Variants in DQX1 observed in about 807,000 individuals in gnomAD.
DQX1 encodes the protein ATP-dependent RNA helicase homolog DQX1.
In DQX1, 66 loss-of-function variants were observed where a neutral mutation model predicts 81.3. The ratio of observed to expected loss-of-function variants is 0.81; its 90% confidence interval spans 0.67 to 1.00. The LOEUF (loss-of-function observed/expected upper bound fraction) is 1.00. Among genes scored for constraint, DQX1 ranks in the 50% least tolerant of loss-of-function variants. DQX1 has a pLI of 0.00. For synonymous variants in DQX1, 290 were observed against 350.0 expected, an observed-to-expected ratio of 0.83 and a Z score of 1.91; for missense variants, 798 against 867.9, an observed-to-expected ratio of 0.92 and a Z score of 1.01.
chr2:74,524,227 T>G lies in DQX1; in HGVS notation c.512A>C (p.Glu171Ala). The change falls in exon 4 of 12, where the codon GAG (glutamate) becomes GCG (alanine). Residue 171 changes from glutamate (E) to alanine (A), a missense_variant. Physicochemically the swap from Glu to Ala is moderately radical, Grantham distance 107. Coordinates refer to ENST00000404568, the MANE Select transcript of DQX1 (RefSeq NM_133637.3). ...TGAWGVLVLD[E>A]AQERSVASDS... Reference sequence around the variant, plus strand: ...TGATGCCACCGACCGCTCCTGAGCCTCATCTAGTACCAGCACGCCCCAGGC... The same window carrying G: ...TGATGCCACCGACCGCTCCTGAGCCGCATCTAGTACCAGCACGCCCCAGGC... 1 of 1,614,062 alleles carries G rather than the reference T, an allele frequency of 6.2e-7. No individual in the cohort carries two copies. The highest frequency in any genetic ancestry group is 8.5e-7 in the Non-Finnish European group (1 of 1,180,018).
chr2:74,518,271 G>C lies in DQX1; in HGVS notation c.*175C>G, dbSNP rs957683760. On this transcript the variant is annotated 3_prime_UTR_variant, in exon 12 of 12. Transcript: ENST00000404568. ...GAAAGAGTCCTTCCCTATGTAGACT[G>C]TGGTTTACCCCATTCTTTCCATTCC... 3.0e-6 allele frequency: 2 copies of C among 667,218 alleles called. No individual in the cohort carries two copies. Among genetic ancestry groups the C allele is most frequent in the Non-Finnish European group, 4.9e-6 (2 of 405,674 alleles). The allele number at this position is 667,218 out of a possible 1,614,324, so 41.3% of individuals were successfully genotyped here.
chr2:74,523,805 C>T (rs1675102233), intron 4 of DQX1, 118 bp downstream of exon 4: 1 of 1,386,714 alleles, frequency 7.2e-7, no homozygotes, highest in African/African-American at 1.5e-5. Flanking sequence ...TGCAACTCTA[C>T]TGTTCCTAAG....
In DQX1 at chr2:74,525,803, C is replaced by T. The variant is rs1275153637; in HGVS notation, c.-19-55G>A. 1 of 1,252,366 alleles carries T rather than the reference C, an allele frequency of 8.0e-7. No homozygotes were observed. Among genetic ancestry groups the T allele is most frequent in the Non-Finnish European group, 1.1e-6 (1 of 896,504 alleles). 77.6% of individuals were successfully genotyped at this position (1,252,366 alleles called of 1,614,324 possible). ...ATATTTGGTGACCGACACCATCTTC[C>T]CACCTCAGCCCTGATCCTTAACCTC... On this transcript the variant is annotated intron_variant, in intron 1 of 11. Coordinates refer to ENST00000404568, the MANE Select transcript of DQX1 (RefSeq NM_133637.3). This position sits in a 1 kb window ranked among gnomAD's most constrained non-coding sequence, Gnocchi z 4.1.
In DQX1 at chr2:74,518,525, C is replaced by T. The variant is rs1232966014; in HGVS notation, c.2075G>A (p.Arg692Lys). The T allele has an allele frequency of 6.2e-7, 1 of 1,614,208 alleles. No homozygotes were observed. Among genetic ancestry groups the T allele is most frequent in the Non-Finnish European group, 8.5e-7 (1 of 1,180,036 alleles). ...TGCTGTAGAATCTGCCATTCCTTCC[C>T]TTAGCTGGTTCAGAAGGTCTCTGCT... The part of the protein sequence containing the change: ...SESRDLLNQL[R>K]EGMADSTAGS... Residue 692 changes from arginine (R) to lysine (K), a missense_variant, in exon 12 of 12, where the codon AGG becomes AAG. Arg to Lys is a conservative substitution (Grantham distance 26). Coordinates refer to ENST00000404568, the MANE Select transcript of DQX1 (RefSeq NM_133637.3).
At chr2:74,520,662 G>T (rs143977134) in intron 8 of DQX1, among the ~76,000 whole-genome samples, 1,531 of 151,238 alleles carry the variant, frequency 0.01, 20 homozygotes, top group Middle Eastern at 0.034. Flanking sequence ...GAGTTGTGGG[G>T]TTTTTTTTGT....
chr2:74,523,198 T>A lies in DQX1; in HGVS notation c.1065A>T (p.Arg355=), dbSNP rs1422314073. The A allele has an allele frequency of 6.2e-7, 1 of 1,614,144 alleles. No homozygotes were observed. The highest frequency in any genetic ancestry group is 8.5e-7 in the Non-Finnish European group (1 of 1,180,026). Residue 355 remains arginine, a synonymous_variant, in exon 6 of 12, where the codon CGA becomes CGT. Transcript: ENST00000404568. ...ELRSVYNPRI[R]AEFQVLRPIS... ...TTGGCCTCAACACTTGGAATTCTGCTCGGATCCTAGGATTGTAAACCTGTT... is the reference window on the plus strand; with the variant it reads ...TTGGCCTCAACACTTGGAATTCTGCACGGATCCTAGGATTGTAAACCTGTT...
chr2:74,524,086 T>G lies in DQX1; in HGVS notation c.653A>C (p.Asn218Thr). ...LEPKLRAFWG[N>T]PPIVHIPREP... ...TCTGGGTATATGCACAATAGGAGGA[T>G]TGCCCCAGAAAGCTCGGAGCTTAGG... Residue 218 changes from asparagine to threonine, a missense_variant, in exon 4 of 12, where the codon AAT becomes ACT. Physicochemically the swap from Asn to Thr is moderately conservative, Grantham distance 65. Transcript: ENST00000404568. The G allele has an allele frequency of 6.2e-7, 1 of 1,614,120 alleles. No individual in the cohort carries two copies. The highest frequency in any genetic ancestry group is 8.5e-7 in the Non-Finnish European group (1 of 1,180,016).
Position 74,523,467 on chromosome 2 carries a change from C to T in DQX1, c.887G>A (p.Arg296Gln), listed in dbSNP as rs753980493. 8.1e-6 allele frequency: 13 copies of T among 1,613,516 alleles called. No individual in the cohort carries two copies. The highest frequency in any genetic ancestry group is 1.3e-5 in the African/African-American group (1 of 74,826). The stretch of plus-strand genomic sequence containing the variant: ...ACAGTCTGGGTGAAGGGGCAGTACT[C>T]GTGGTGGAAGCCCTTGGAGAAGCAA... Reference protein sequence around the residue: ...ESLLLQGLPPRVLPLHPDCGR... With the variant: ...ESLLLQGLPPQVLPLHPDCGR... The change falls in exon 5 of 12, where the codon CGA (arginine) becomes CAA (glutamine). Residue 296 changes from arginine (R) to glutamine (Q), a missense_variant. Physicochemically the swap from Arg to Gln is conservative, Grantham distance 43. Transcript: ENST00000404568.
Position 74,525,826 on chromosome 2 carries a change from C to T in DQX1, c.-19-78G>A, listed in dbSNP as rs1675165938. 1 of 1,016,014 alleles carries T rather than the reference C, an allele frequency of 9.8e-7. No homozygotes were observed. 62.9% of individuals were successfully genotyped at this position (1,016,014 alleles called of 1,614,324 possible). A position where few individuals can be genotyped will look rare whatever the true frequency, so the allele number is the denominator to read the frequency against. ...TCCCACCTCAGCCCTGATCCTTAAC[C>T]TCTACCTTCAGTTGATCATGCTCTG... On this transcript the variant is annotated intron_variant, in intron 1 of 11. Transcript: ENST00000404568. The surrounding 1 kb of genome is among the most constrained non-coding windows in gnomAD (Gnocchi z 4.1).
At chr2:74,520,150 CATAG>C in intron 8 of DQX1, 116 bp from the exon 9 acceptor site, 1 of 1,344,012 alleles carries the variant, frequency 7.4e-7, no homozygotes, top group Middle Eastern at 2.6e-4. Context: ...ATTCAAAAGA[CATAG>C]ATAACTTCTA....
Position 74,525,535 on chromosome 2 carries a change from C to T in DQX1, c.195G>A (p.Val65=), listed in dbSNP as rs1490599775. ...AACCAGGCTCCCCAGACACCAGCAC[C>T]ACTCCAGTGGGGTTACTCTCCAACT... ...LEQLESNPTG[V]VLVSGEPGSG... The change falls in exon 2 of 12, where the codon GTG becomes GTA. Residue 65 remains valine (V), a synonymous_variant. Coordinates refer to ENST00000404568, the MANE Select transcript of DQX1 (RefSeq NM_133637.3). This position sits in a 1 kb window ranked among gnomAD's most constrained non-coding sequence, Gnocchi z 4.1. 1.9e-6 allele frequency: 3 copies of T among 1,552,280 alleles called. No individual in the cohort carries two copies. Among genetic ancestry groups the T allele is most frequent in the South Asian group, 1.2e-5 (1 of 84,062 alleles).
At chr2:74,520,964 C>T (rs72818089) in intron 8 of DQX1, among the ~76,000 whole-genome samples, 1,685 of 152,206 alleles carry the variant, frequency 0.011, 19 homozygotes, top group Non-Finnish European at 0.019. Flanking sequence ...CAAGCCACCA[C>T]GCCTGGCTGA....
intron 11 of DQX1, among the ~76,000 whole-genome samples, 200 bp from the exon 12 acceptor site, chr2:74,518,802 C>T (rs113703664): frequency 0.015 from 2,209 of 152,322 alleles, 29 homozygotes; most frequent in South Asian, 0.046. Context: ...GCTGGGACTA[C>T]AGGGTGGTTT....
In DQX1 at chr2:74,519,947, G is replaced by A. The variant is rs1674983297; in HGVS notation, c.1583C>T (p.Ser528Phe). ...ALEHTDGDHS[S>F]LIQVYEAFIQ... ...AAAGGCTTCATACACCTGGATCAGAGAACTGTGGTCACCATCCGTGTGTTC... is the reference window on the plus strand; with the variant it reads ...AAAGGCTTCATACACCTGGATCAGAAAACTGTGGTCACCATCCGTGTGTTC... The change falls in exon 9 of 12, where the codon TCT (serine) becomes TTT (phenylalanine). Residue 528 changes from serine (S) to phenylalanine (F), a missense_variant. By Grantham distance (155) the Ser-to-Phe change is radical (BLOSUM62 -2). Coordinates refer to ENST00000404568, the MANE Select transcript of DQX1 (RefSeq NM_133637.3). 3 of 1,614,086 alleles carry A rather than the reference G, an allele frequency of 1.9e-6. No individual in the cohort carries two copies. The highest frequency in any genetic ancestry group is 2.5e-6 in the Non-Finnish European group (3 of 1,180,040).
intron 10 of DQX1, 83 bp downstream of exon 10, chr2:74,519,473 C>G (rs755112671): frequency 2.6e-5 from 40 of 1,533,276 alleles, no homozygotes; most frequent in East Asian, 9.0e-5. Flanking sequence ...CACCTGGACC[C>G]TGATTTCAAA....
Position 74,518,393 on chromosome 2 carries a change from G to A in DQX1, c.*53C>T. 6.3e-7 allele frequency: 1 copy of A among 1,594,384 alleles called. No homozygotes were observed. The highest frequency in any genetic ancestry group is 8.6e-7 in the Non-Finnish European group (1 of 1,166,592). On this transcript the variant is annotated 3_prime_UTR_variant, in exon 12 of 12. Transcript: ENST00000404568. ...TCTGGGTGCTTTGGTGTCACCCTGA[G>A]GGATAATCTAATGTGATGAGATGAA...
chr2:74,518,282 C>G lies in DQX1; in HGVS notation c.*164G>C. 1 of 754,810 alleles carries G rather than the reference C, an allele frequency of 1.3e-6. No homozygotes were observed. Among genetic ancestry groups the G allele is most frequent in the Non-Finnish European group, 2.1e-6 (1 of 478,032 alleles). 46.8% of individuals were successfully genotyped at this position (754,810 alleles called of 1,614,324 possible). A position where few individuals can be genotyped will look rare whatever the true frequency, so the allele number is the denominator to read the frequency against. ...TCCCTATGTAGACTGTGGTTTACCC[C>G]ATTCTTTCCATTCCCAGTCTACCAT... On this transcript the variant is annotated 3_prime_UTR_variant, in exon 12 of 12. Transcript: ENST00000404568.
intron 10 of DQX1, 71 bp from the exon 11 acceptor site, chr2:74,519,301 G>C: frequency 6.8e-7 from 1 of 1,480,918 alleles, no homozygotes; most frequent in Non-Finnish European, 9.1e-7. Context: ...AAAATAAAAG[G>C]GGATTGAGAA....
At position 74,518,555 on chromosome 2, in the gene DQX1, C is replaced by A. The variant is rs746205783; in HGVS notation, c.2045G>T (p.Ser682Ile). 4 of 1,614,184 alleles carry A rather than the reference C, an allele frequency of 2.5e-6. No individual in the cohort carries two copies. Among genetic ancestry groups the A allele is most frequent in the Non-Finnish European group, 1.7e-6 (2 of 1,180,016 alleles). Residue 682 changes from serine to isoleucine, a missense_variant, in exon 12 of 12, where the codon AGT becomes ATT. Transcript: ENST00000404568. ...CTGGTTCAGAAGGTCTCTGCTCTCA[C>A]TGGGAGGCAAGTTACTCAGGAAGTA... is the stretch of plus-strand genomic sequence containing the variant. ...PPYFLSNLPP[S>I]ESRDLLNQLR...
Sources: allele counts gnomAD v4.1 joint callset (sites outside exome capture counted in the v4.1 genomes callset), GRCh38; gene constraint gnomAD v4.1.1; non-coding constraint Gnocchi (gnomAD v3.1); transcripts MANE v1.5; gene names NCBI Gene and HGNC (gene_info 2026-07-23, HGNC 2026-07-21).